ZNF507: variants seen among roughly 807,000 people sequenced by gnomAD.
The protein encoded by ZNF507 is zinc finger protein 507.
ZNF507 carries 29 observed loss-of-function variants against 80.0 expected under a neutral mutation model. That is an observed-to-expected ratio of 0.36 (90% CI 0.27 to 0.49). The LOEUF (loss-of-function observed/expected upper bound fraction) is 0.49. ZNF507 is among the 20% of genes least tolerant of loss of function. The pLI, the probability that ZNF507 is intolerant of heterozygous loss-of-function variation, is 0.98. For missense variants in ZNF507, 1,081 were observed against 1,152.2 expected, an observed-to-expected ratio of 0.94 and a Z score of 0.90; for synonymous variants, 462 against 422.5, an observed-to-expected ratio of 1.09 and a Z score of -1.15.
chr19:32,374,903 GTT>G (rs1568308973), intron 5 of ZNF507, among the ~76,000 whole-genome samples: 1 of 152,116 alleles, frequency 6.6e-6, no homozygotes, highest in Non-Finnish European at 1.5e-5. Flanking sequence ...TGCTTCTGGT[GTT>G]TCCTAATTAA....
intron 2 of ZNF507, among the ~76,000 whole-genome samples, chr19:32,351,419 CTGTGTGTGTGTGTGTGTG>C (rs5823): frequency 1.5e-3 from 78 of 52,838 alleles, no homozygotes; most frequent in East Asian, 2.6e-3. Flanking sequence ...AGCTGGTCAG[CTGTGTGTGTGTGTGTGTG>C]TGTGTGTGTG....
At position 32,387,060 on chromosome 19, in the gene ZNF507, C is replaced by A. The variant is rs1568312507; in HGVS notation, c.*3977C>A. On this transcript the variant is annotated 3_prime_UTR_variant, in exon 7 of 7. Transcript: ENST00000355898. The stretch of plus-strand genomic sequence containing the variant: ...TGAATAAGCATTTAGCTTTTTAAAT[C>A]ATTTTAAAAATTAAGTCTAATTTTG... 6.6e-6 allele frequency: 1 copy of A among 152,142 alleles called. No homozygotes were observed. Among genetic ancestry groups the A allele is most frequent in the Non-Finnish European group, 1.5e-5 (1 of 68,032 alleles). 9.4% of individuals were successfully genotyped at this position (152,142 alleles called of 1,614,324 possible).
intron 5 of ZNF507, among the ~76,000 whole-genome samples, chr19:32,367,314 C>A (rs1967411714): frequency 6.6e-6 from 1 of 152,192 alleles, no homozygotes; most frequent in Non-Finnish European, 1.5e-5. Flanking sequence ...CCAGGCTTTA[C>A]CTCCAACATT....
rs149810539 is a variant in ZNF507 at position 32,377,509 on chromosome 19, A to G, written c.2361-4958A>G. On this transcript the variant is annotated intron_variant, in intron 5 of 6. Coordinates refer to ENST00000355898, the MANE Select transcript of ZNF507 (RefSeq NM_001136156.2). Reference sequence around the variant, plus strand: ...ATGATATTCATATATAATCATATCTATGATCTATATCTAGCATTAACTCTT... The same window carrying G: ...ATGATATTCATATATAATCATATCTGTGATCTATATCTAGCATTAACTCTT... 2.8e-3 allele frequency among the ~76,000 whole-genome samples: 425 copies of G among 152,360 alleles called. 1 individual carries two copies. Among genetic ancestry groups the G allele is most frequent in the African/African-American group, 9.8e-3 (406 of 41,584 alleles).
At chr19:32,363,299 A>C (rs1281397120) in intron 5 of ZNF507, among the ~76,000 whole-genome samples, 1 of 152,230 alleles carries the variant, frequency 6.6e-6, no homozygotes, top group Admixed American at 6.5e-5. Flanking sequence ...AAAGAGCTAC[A>C]AGGCCTTGTT....
rs1233936658 is a variant in ZNF507, at chr19:32,353,776, A to G, written c.946A>G (p.Ile316Val). 1.2e-6 allele frequency: 2 copies of G among 1,614,122 alleles called. No homozygotes were observed. Among genetic ancestry groups the G allele is most frequent in the East Asian group, 2.2e-5 (1 of 44,896 alleles). The change falls in exon 3 of 7, where the codon ATC (isoleucine) becomes GTC (valine). Residue 316 changes from isoleucine (I) to valine (V), a missense_variant. By Grantham distance (29) the Ile-to-Val change is conservative. Around this residue, in one of 6 missense-constraint regions of ZNF507, gnomAD observed 614 missense variants for 583.9 expected, o/e 1.05. Transcript: ENST00000355898. ...TGCTATTGGAGAGAGTGAACTGAGT[A>G]TCCACAATGGGCCATCAGTGCAAGT... ...VIAIGESELS[I>V]HNGPSVQVQI... is the part of the protein sequence containing the mutation.
chr19:32,356,775 A>G, intron 4 of ZNF507, 42 bp downstream of exon 4: 1 of 1,505,202 alleles, frequency 6.6e-7, no homozygotes. Context: ...TGACTTGCAC[A>G]TGACATAAAA....
chr19:32,360,406 A>G, intron 4 of ZNF507, 98 bp from the exon 5 acceptor site: 2 of 556,858 alleles, frequency 3.6e-6, no homozygotes, highest in African/African-American at 2.0e-5. Flanking sequence ...ATATTAATAC[A>G]ACTGTGTGGT....
chr19:32,367,765 G>A (rs1437339635), intron 5 of ZNF507, among the ~76,000 whole-genome samples: 1 of 152,144 alleles, frequency 6.6e-6, no homozygotes, highest in Non-Finnish European at 1.5e-5. Flanking sequence ...ATTCCAGAAA[G>A]GCTTTCAGCA....
chr19:32,383,907 C>T lies in ZNF507; in HGVS notation c.*824C>T, dbSNP rs1451543296. On this transcript the variant is annotated 3_prime_UTR_variant, in exon 7 of 7. Transcript: ENST00000355898. ...CATACTTTCTCCATAGTACGTAGAC[C>T]TTCTAATACTCTGCTAAATGAAACC... 2 of 152,158 alleles carry T rather than the reference C, an allele frequency of 1.3e-5. No individual in the cohort carries two copies. The highest frequency in any genetic ancestry group is 2.9e-5 in the Non-Finnish European group (2 of 68,028). 9.4% of individuals were successfully genotyped at this position (152,158 alleles called of 1,614,324 possible). A position where few individuals can be genotyped will look rare whatever the true frequency, so the allele number is the denominator to read the frequency against.
chr19:32,354,829 C>G lies in ZNF507; in HGVS notation c.1999C>G (p.Gln667Glu), dbSNP rs1967229147. 6.2e-7 allele frequency: 1 copy of G among 1,614,092 alleles called. No homozygotes were observed. Among genetic ancestry groups the G allele is most frequent in the Non-Finnish European group, 8.5e-7 (1 of 1,180,044 alleles). Residue 667 changes from glutamine to glutamate, a missense_variant, in exon 3 of 7, where the codon CAG becomes GAG. Gln to Glu is a conservative substitution (Grantham distance 29). This residue lies in a region of ZNF507 where 614 missense variants were observed against 583.9 expected (regional missense o/e 1.05). Transcript: ENST00000355898. ...KQHLRVHRQRQPYQCPICEHI... is the reference protein window; with the variant it reads ...KQHLRVHRQREPYQCPICEHI... ...GCACTTACGAGTCCATCGACAGAGA[C>G]AGCCTTATCAGTGTCCTATCTGCGA...
chr19:32,382,334 T>G, intron 5 of ZNF507, 133 bp from the exon 6 acceptor site: 1 of 1,145,890 alleles, frequency 8.7e-7, no homozygotes. Flanking sequence ...CAGTAACATC[T>G]TAGATTCAGT....
At chr19:32,361,859 C>T (rs891682416) in intron 5 of ZNF507, among the ~76,000 whole-genome samples, 1 of 143,136 alleles carries the variant, frequency 7.0e-6, no homozygotes, top group African/African-American at 2.6e-5. Flanking sequence ...TTCCTTCCTT[C>T]CTTTCCTTCC....
chr19:32,358,075 G>A (rs1967275041), intron 4 of ZNF507: 1 of 152,014 alleles, frequency 6.6e-6, no homozygotes, highest in Non-Finnish European at 1.5e-5. Flanking sequence ...TTTCTTTGTG[G>A]CTCATGCTTT....
chr19:32,382,331 A>G, intron 5 of ZNF507, 136 bp from the exon 6 acceptor site: 5 of 1,113,284 alleles, frequency 4.5e-6, no homozygotes, highest in Non-Finnish European at 6.5e-6. Context: ...AATCAGTAAC[A>G]TCTTAGATTC....
At chr19:32,377,109 G>T (rs1163016533) in intron 5 of ZNF507, among the ~76,000 whole-genome samples, 1 of 152,090 alleles carries the variant, frequency 6.6e-6, no homozygotes, top group Non-Finnish European at 1.5e-5. Flanking sequence ...CTGCGGGCGG[G>T]CCTGACTCAT....
intron 5 of ZNF507, among the ~76,000 whole-genome samples, chr19:32,379,660 TGTTG>T (rs780089921): frequency 3.3e-5 from 5 of 152,250 alleles, no homozygotes; most frequent in Admixed American, 6.5e-5. Context: ...TAATACATTC[TGTTG>T]GTTTTGGTGT....
chr19:32,352,815 A>T lies in ZNF507; in HGVS notation c.-2-14A>T. 1.3e-6 allele frequency: 2 copies of T among 1,548,332 alleles called. No homozygotes were observed. Among genetic ancestry groups the T allele is most frequent in the Admixed American group, 2.2e-5 (1 of 46,348 alleles). ...GTAACCTGGTATTTTTCTGTTTTAC[A>T]TTATCCTTTTTAGATATGGAAGAAA... On this transcript the variant is annotated splice_polypyrimidine_tract_variant and intron_variant, in intron 2 of 6. Coordinates refer to ENST00000355898, the MANE Select transcript of ZNF507 (RefSeq NM_001136156.2).
chr19:32,382,259 C>T, intron 5 of ZNF507: 2 of 457,480 alleles, frequency 4.4e-6, no homozygotes, highest in Admixed American at 3.9e-5. Flanking sequence ...TATAAAAGAC[C>T]TTCTTTCATT....
Sources: allele counts gnomAD v4.1 joint callset (sites outside exome capture counted in the v4.1 genomes callset), GRCh38; gene constraint gnomAD v4.1.1; regional missense constraint gnomAD v4.1.1; transcripts MANE v1.5; gene names NCBI Gene and HGNC (gene_info 2026-07-23, HGNC 2026-07-21).